ZNF444: variants seen among roughly 807,000 people sequenced by gnomAD.
ZNF444 encodes zinc finger protein 444, also known as endothelial zinc finger protein 2.
In ZNF444, 8 loss-of-function variants were observed where a neutral mutation model predicts 14.4. That is an observed-to-expected ratio of 0.56 (90% CI 0.33 to 1.00). ZNF444 has a LOEUF of 1.00. ZNF444 is among the 50% of genes least tolerant of loss of function. ZNF444 has a pLI of 0.03. For synonymous variants in ZNF444, 258 were observed against 235.9 expected (o/e 1.09, Z -0.86); for missense variants, 510 against 504.8 (o/e 1.01, Z -0.10).
chr19:56,152,879 C>T (rs1243790391), intron 3 of ZNF444, among the ~76,000 whole-genome samples: 5 of 152,148 alleles, frequency 3.3e-5, no homozygotes, highest in East Asian at 1.9e-4. Context: ...AAAGGCCCCA[C>T]GTAATCTCAT....
At chr19:56,151,776 G>A (rs115989382) in intron 3 of ZNF444, 5,056 of 448,300 alleles carry the variant, frequency 0.011, 372 homozygotes, top group African/African-American at 0.1. Flanking sequence ...GGAGCTGACC[G>A]TGGTGTATAG....
chr19:56,138,210 G>A (rs929514819), upstream of ZNF444, among the ~76,000 whole-genome samples: 4 of 152,138 alleles, frequency 2.6e-5, no homozygotes, highest in Non-Finnish European at 4.4e-5. Context: ...TAAAAGGAAG[G>A]AGATTTTGAC....
upstream of ZNF444, among the ~76,000 whole-genome samples, chr19:56,136,790 T>C (rs2030621569): frequency 6.6e-6 from 1 of 152,002 alleles, no homozygotes; most frequent in South Asian, 2.1e-4. Context: ...ATTTCTTTTT[T>C]TCTTTTTTTA....
At chr19:56,153,799 C>A (rs537380246) in intron 3 of ZNF444, among the ~76,000 whole-genome samples, 1 of 152,138 alleles carries the variant, frequency 6.6e-6, no homozygotes, top group Non-Finnish European at 1.5e-5. Flanking sequence ...AGTCAGCCTG[C>A]GTCTCAGGTC....
intron 3 of ZNF444, among the ~76,000 whole-genome samples, chr19:56,148,087 T>TC (rs1281290306): frequency 6.6e-6 from 1 of 152,196 alleles, no homozygotes. Context: ...TCTTAAGTGT[T>TC]CTAGTCAGCA....
At chr19:56,148,243 A>G (rs2031329281) in intron 3 of ZNF444, among the ~76,000 whole-genome samples, 1 of 152,118 alleles carries the variant, frequency 6.6e-6, no homozygotes, top group Admixed American at 6.5e-5. Flanking sequence ...CTCTGAGAAG[A>G]GTGGTCCAGG....
intron 1 of ZNF444, among the ~76,000 whole-genome samples, chr19:56,143,849 A>C (rs1162104638): frequency 2.6e-5 from 4 of 151,234 alleles, no homozygotes; most frequent in Non-Finnish European, 4.4e-5. Context: ...GCAGCATCGG[A>C]GGGGGTGATC....
upstream of ZNF444, among the ~76,000 whole-genome samples, chr19:56,137,765 C>T (rs927309817): frequency 6.6e-6 from 1 of 152,096 alleles, no homozygotes; most frequent in Non-Finnish European, 1.5e-5. Context: ...TGCAGGCTAG[C>T]GACAAGGGTT....
rs112241412 is a variant in ZNF444, at chr19:56,150,119, T to C, written c.297+2911T>C. On this transcript the variant is annotated intron_variant, in intron 3 of 4. Transcript: ENST00000337080. ...AGCCTCGGGGTTTCGCCCTTTCCAG[T>C]TTCCATGACTCCTCAGAACAGGACC... 8.9e-3 allele frequency: 1,476 copies of C among 166,240 alleles called. 18 individuals are homozygous for C. Among genetic ancestry groups the C allele is most frequent in the African/African-American group, 0.033 (1,378 of 41,662 alleles). The allele number at this position is 166,240 out of a possible 1,614,324, so 10.3% of individuals were successfully genotyped here. A position where few individuals can be genotyped will look rare whatever the true frequency, so the allele number is the denominator to read the frequency against.
At position 56,160,035 on chromosome 19, in the gene ZNF444, C is replaced by T. The variant is rs1361927135; in HGVS notation, c.818C>T (p.Ser273Leu). 9.3e-6 allele frequency: 14 copies of T among 1,509,054 alleles called. No homozygotes were observed. Among genetic ancestry groups the T allele is most frequent in the Admixed American group, 8.4e-5 (4 of 47,808 alleles). 93.5% of individuals were successfully genotyped at this position (1,509,054 alleles called of 1,614,324 possible). The change falls in exon 5 of 5, where the codon TCG becomes TTG. Residue 273 changes from serine (S) to leucine (L), a missense_variant. Coordinates refer to ENST00000337080, the MANE Select transcript of ZNF444 (RefSeq NM_018337.4). Reference protein sequence around the residue: ...EHLVRHRKTHSGARPFACWEC... With the variant: ...EHLVRHRKTHLGARPFACWEC... Reference sequence around the variant, plus strand: ...CTGGTGCGCCACCGCAAGACGCACTCGGGAGCGCGGCCCTTTGCCTGCTGG... The same window carrying T: ...CTGGTGCGCCACCGCAAGACGCACTTGGGAGCGCGGCCCTTTGCCTGCTGG...
intron 3 of ZNF444, among the ~76,000 whole-genome samples, chr19:56,148,388 A>G (rs910875965): frequency 6.6e-6 from 1 of 152,022 alleles, no homozygotes; most frequent in African/African-American, 2.4e-5. Flanking sequence ...CGTGTTCCTC[A>G]TAAGTGCGTA....
At chr19:56,149,206 A>C (rs1599881584) in intron 3 of ZNF444, among the ~76,000 whole-genome samples, 1 of 50,510 alleles carries the variant, frequency 2.0e-5, no homozygotes, top group Admixed American at 2.1e-4. Flanking sequence ...CTCTGCTTCC[A>C]TCCCCCATCA....
intron 3 of ZNF444, among the ~76,000 whole-genome samples, chr19:56,152,302 A>G (rs939407946): frequency 1.7e-4 from 25 of 150,412 alleles, no homozygotes; most frequent in Non-Finnish European, 3.0e-4. Context: ...ACCGCACTCC[A>G]GCCTGGGCGA....
chr19:56,149,059 C>T (rs28445146), intron 3 of ZNF444, among the ~76,000 whole-genome samples: 10,877 of 132,618 alleles, frequency 0.082, 705 homozygotes, highest in African/African-American at 0.18. Context: ...ACCTCTGCTT[C>T]CATCCCCATC....
At chr19:56,137,996 C>T (rs189944160), upstream of ZNF444, among the ~76,000 whole-genome samples, 1,151 of 151,876 alleles carry the variant, frequency 7.6e-3, 14 homozygotes, top group African/African-American at 0.025. Context: ...TGGTGGCGGG[C>T]GCCTGTAATC....
At chr19:56,156,167 C>T (rs1267567944) in intron 3 of ZNF444, 2 of 152,204 alleles carry the variant, frequency 1.3e-5, no homozygotes, top group Non-Finnish European at 2.9e-5. Context: ...GGAAGGGTTC[C>T]GAGCGCAGGG....
At chr19:56,138,164 A>G (rs1162804510), upstream of ZNF444, among the ~76,000 whole-genome samples, 1 of 152,116 alleles carries the variant, frequency 6.6e-6, no homozygotes, top group East Asian at 1.9e-4. Context: ...TAAACAAAAT[A>G]TGGTCTGTGT....
At position 56,145,626 on chromosome 19, in the gene ZNF444, G is replaced by A. The variant is rs775833741; in HGVS notation, c.-196-621G>A. ...AAAAAAAATAGAGACAGGAGAGCTC[G>A]CTGCCTCTCTCTATTCTACGCCATG... is the stretch of plus-strand genomic sequence containing the variant. On this transcript the variant is annotated intron_variant, in intron 1 of 4. Transcript: ENST00000337080. The surrounding 1 kb of genome is among the most constrained non-coding windows in gnomAD (Gnocchi z 4.3). 1.3e-5 allele frequency among the ~76,000 whole-genome samples: 2 copies of A among 151,926 alleles called. No homozygotes were observed. The highest frequency in any genetic ancestry group is 2.4e-5 in the African/African-American group (1 of 41,338).
chr19:56,133,181 A>G lies in ZNF444; in HGVS notation c.-197+403A>G, dbSNP rs191831040. Among the ~76,000 whole-genome samples, 1,327 of 143,206 alleles carry G rather than the reference A, an allele frequency of 9.3e-3. 20 individuals are homozygous for G. Among genetic ancestry groups the G allele is most frequent in the African/African-American group, 0.032 (1,239 of 38,760 alleles). The allele number at this position is 143,206 out of a possible 152,430, so 93.9% of individuals were successfully genotyped here. A position where few individuals can be genotyped will look rare whatever the true frequency, so the allele number is the denominator to read the frequency against. On this transcript the variant is annotated intron_variant, in intron 1 of 2. Coordinates refer to the ZNF444 transcript ENST00000587467. Reference sequence around the variant, plus strand: ...TCAAACTCCTGACCTCAGGTGATCCACCCACCTCGGCCTCCCAAAGTGTTG... The same window carrying G: ...TCAAACTCCTGACCTCAGGTGATCCGCCCACCTCGGCCTCCCAAAGTGTTG...
Sources: gnomAD v4.1 joint callset for allele counts (sites outside exome capture counted in the v4.1 genomes callset) on GRCh38, gnomAD v4.1.1 for gene constraint, Gnocchi (gnomAD v3.1) non-coding constraint, MANE v1.5 for transcripts, NCBI Gene and HGNC (gene_info 2026-07-23, HGNC 2026-07-21) for gene names.